The following DMXL2 variants were observed in gnomAD, a reference collection of about 807,000 sequenced individuals.
DMXL2 encodes dmX-like protein 2.
Under a neutral mutation model 331.1 loss-of-function variants are expected in DMXL2, and 103 were observed. The ratio of observed to expected loss-of-function variants is 0.31; its 90% CI spans 0.27 to 0.37. The LOEUF (loss-of-function observed/expected upper bound fraction) is 0.37, where lower values mean the gene tolerates loss of function less well. Ranked by LOEUF, DMXL2 falls within the 10% of genes least tolerant of loss-of-function variation. The pLI is 1.00. For missense variants in DMXL2, 3,171 were observed against 3,642.9 expected (o/e 0.87, Z 3.33); for synonymous variants, 1,281 against 1,252.1 (o/e 1.02, Z -0.49).
rs2040504863 is a variant in DMXL2 at position 51,465,664 on chromosome 15, G to A, written c.7521-13C>T. On this transcript the variant is annotated splice_polypyrimidine_tract_variant and intron_variant, in intron 30 of 43. Coordinates refer to ENST00000560891, the MANE Select transcript of DMXL2 (RefSeq NM_001378457.1). ...TAGAAGAGCCCAGCTGTTCAAGGAG[G>A]GGCAAAAAGAGTCTTTAAGTGAAAA... 2 of 1,549,392 alleles carry A rather than the reference G, an allele frequency of 1.3e-6. No homozygotes were observed. The highest frequency in any genetic ancestry group is 2.4e-5 in the South Asian group (2 of 83,658).
chr15:51,611,262 T>G (rs2053952127), intron 1 of DMXL2, among the ~76,000 whole-genome samples: 1 of 152,128 alleles, frequency 6.6e-6, no homozygotes, highest in Middle Eastern at 3.2e-3. Context: ...CCAATGGCAG[T>G]AATGACAAAA....
chr15:51,617,421 G>C (rs1456533399), intron 1 of DMXL2, among the ~76,000 whole-genome samples: 1 of 152,150 alleles, frequency 6.6e-6, no homozygotes, highest in Non-Finnish European at 1.5e-5. Context: ...TAAGCCCAAA[G>C]ACTCATTCCT....
At chr15:51,537,831 G>T in intron 10 of DMXL2, 72 bp from the exon 11 acceptor site, 1 of 1,418,182 alleles carries the variant, frequency 7.1e-7, no homozygotes, top group Non-Finnish European at 9.4e-7. Context: ...TAAATAAATG[G>T]CATACTATCT....
chr15:51,459,579 C>T lies in DMXL2; in HGVS notation c.7989+19G>A. 1 of 1,289,634 alleles carries T rather than the reference C, an allele frequency of 7.8e-7. No homozygotes were observed. Among genetic ancestry groups the T allele is most frequent in the Non-Finnish European group, 1.0e-6 (1 of 988,744 alleles). 79.9% of individuals were successfully genotyped at this position (1,289,634 alleles called of 1,614,324 possible). A position where few individuals can be genotyped will look rare whatever the true frequency, so the allele number is the denominator to read the frequency against. ...TGAACTTTAAAGAATGAGCTAAATACAAGATCTTGGAATACTACCTTGATG... is the reference window on the plus strand; with the variant it reads ...TGAACTTTAAAGAATGAGCTAAATATAAGATCTTGGAATACTACCTTGATG... On this transcript the variant is annotated intron_variant, in intron 34 of 43. Transcript: ENST00000560891.
intron 1 of DMXL2, among the ~76,000 whole-genome samples, chr15:51,616,662 G>T (rs1053985883): frequency 6.6e-6 from 1 of 152,168 alleles, no homozygotes; most frequent in African/African-American, 2.4e-5. Flanking sequence ...AAATGGCCGG[G>T]TGCAGTGGCT....
intron 23 of DMXL2, among the ~76,000 whole-genome samples, chr15:51,485,791 C>T (rs187459280): frequency 8.5e-5 from 13 of 152,086 alleles, no homozygotes; most frequent in East Asian, 5.8e-4. Flanking sequence ...CAAACCAATA[C>T]GTGTAACAGC....
intron 1 of DMXL2, among the ~76,000 whole-genome samples, chr15:51,598,631 T>A (rs997142253): frequency 1.3e-5 from 2 of 152,228 alleles, no homozygotes; most frequent in Non-Finnish European, 2.9e-5. Flanking sequence ...ATCAGTTATT[T>A]TATAGAATAT....
intron 40 of DMXL2, 73 bp from the exon 41 acceptor site, chr15:51,453,714 C>A: frequency 2.5e-6 from 3 of 1,213,432 alleles, no homozygotes; most frequent in South Asian, 2.6e-5. Flanking sequence ...ACATACATGT[C>A]TGCTAATAAC....
chr15:51,484,229 A>G (rs1347832596), intron 23 of DMXL2, among the ~76,000 whole-genome samples: 1 of 152,200 alleles, frequency 6.6e-6, no homozygotes, highest in Non-Finnish European at 1.5e-5. Flanking sequence ...TGCTTCTGGC[A>G]GGCACACCTC....
intron 26 of DMXL2, among the ~76,000 whole-genome samples, chr15:51,477,829 A>C (rs2041706563): frequency 6.6e-6 from 1 of 152,066 alleles, no homozygotes; most frequent in Admixed American, 6.6e-5. Flanking sequence ...ATCATATGTA[A>C]ATGGGTAGGT....
chr15:51,522,494 A>G (rs1331472926), intron 13 of DMXL2, among the ~76,000 whole-genome samples: 1 of 152,148 alleles, frequency 6.6e-6, no homozygotes, highest in African/African-American at 2.4e-5. Context: ...AAATACAAAA[A>G]TTAGCTGGGC....
intron 13 of DMXL2, among the ~76,000 whole-genome samples, chr15:51,525,695 G>A (rs2047631975): frequency 6.6e-6 from 1 of 152,130 alleles, no homozygotes; most frequent in South Asian, 2.1e-4. Flanking sequence ...GTGGCCACAG[G>A]GTGAAGCTCG....
intron 29 of DMXL2, among the ~76,000 whole-genome samples, chr15:51,470,316 G>A (rs1407588132): frequency 1.3e-5 from 2 of 151,932 alleles, no homozygotes; most frequent in Admixed American, 6.6e-5. Context: ...AATTTTTTTG[G>A]CAGAGACATG....
chr15:51,593,912 A>C (rs1398562824), intron 1 of DMXL2, among the ~76,000 whole-genome samples: 1 of 152,260 alleles, frequency 6.6e-6, no homozygotes, highest in Admixed American at 6.5e-5. Flanking sequence ...ACACATTCAA[A>C]GCAGTGTGTA....
At chr15:51,621,826 C>G (rs1035379291) in intron 1 of DMXL2, among the ~76,000 whole-genome samples, 1 of 136,128 alleles carries the variant, frequency 7.3e-6, no homozygotes, top group Non-Finnish European at 1.6e-5. Flanking sequence ...TGAGACAGCT[C>G]TCCAAGCCAC....
At chr15:51,457,306 T>C (rs752604758) in intron 37 of DMXL2, 22 bp downstream of exon 37, 6 of 1,603,246 alleles carry the variant, frequency 3.7e-6, no homozygotes, top group Non-Finnish European at 4.3e-6. Context: ...CCAGAAATGA[T>C]ACCTATAAGT....
At chr15:51,501,532 A>G (rs1030227694) in intron 17 of DMXL2, among the ~76,000 whole-genome samples, 2 of 152,250 alleles carry the variant, frequency 1.3e-5, no homozygotes, top group African/African-American at 4.8e-5. Context: ...TAAATTTTAA[A>G]AAAAGCCTCA....
chr15:51,545,894 A>C (rs2048862533), intron 7 of DMXL2, 128 bp from the exon 8 acceptor site: 1 of 690,286 alleles, frequency 1.4e-6, no homozygotes, highest in Non-Finnish European at 2.4e-6. Flanking sequence ...AATCAATCAA[A>C]GAGCTTGAAA....
intron 1 of DMXL2, among the ~76,000 whole-genome samples, chr15:51,598,028 C>G (rs942695758): frequency 6.6e-6 from 1 of 152,092 alleles, no homozygotes; most frequent in African/African-American, 2.4e-5. Flanking sequence ...AGTCCTTTGT[C>G]AAATATAGAT....
Sources: gnomAD v4.1 joint callset for allele counts (sites outside exome capture counted in the v4.1 genomes callset) on GRCh38, gnomAD v4.1.1 for gene constraint, MANE v1.5 for transcripts, NCBI Gene and HGNC (gene_info 2026-07-23, HGNC 2026-07-21) for gene names.